The following CTPS2 variants were observed in gnomAD, a reference collection of about 807,000 sequenced individuals.
CTPS2 encodes CTP synthase 2.
Under a neutral mutation model 46.8 loss-of-function variants are expected in CTPS2, and 19 were observed. The observed-to-expected ratio is 0.41, with a 90% CI of 0.28 to 0.60. The LOEUF is 0.60. Ranked by LOEUF, CTPS2 falls within the 20% of genes least tolerant of loss-of-function variation. The pLI, the probability that CTPS2 is intolerant of heterozygous loss-of-function variation, is 0.35. For missense variants in CTPS2, 286 were observed against 447.6 expected (o/e 0.64, Z 3.26); for synonymous variants, 151 against 165.2 (o/e 0.91, Z 0.66).
intron 4 of CTPS2, among the ~76,000 whole-genome samples, chrX:16,697,458 T>A (rs959678062): frequency 0.025 from 1,162 of 45,764 alleles, 18 homozygotes; most frequent in African/African-American, 0.095. Flanking sequence ...TTTTTTTTTT[T>A]AAATTAAGAC....
intron 17 of CTPS2, among the ~76,000 whole-genome samples, chrX:16,601,005 C>T (rs1175675335): frequency 3.6e-5 from 4 of 111,172 alleles, no homozygotes; most frequent in African/African-American, 1.3e-4. Flanking sequence ...AAGCAGCAGA[C>T]GCAGAAGTAA....
chrX:16,598,311 C>T (rs1929411843), intron 17 of CTPS2, among the ~76,000 whole-genome samples: 1 of 110,084 alleles, frequency 9.1e-6, no homozygotes, highest in South Asian at 3.8e-4. Context: ...AGACCACTAG[C>T]AAGATTAATA....
At chrX:16,645,434 A>ACTC (rs1275831815) in intron 13 of CTPS2, among the ~76,000 whole-genome samples, 1 of 110,682 alleles carries the variant, frequency 9.0e-6, no homozygotes, top group African/African-American at 3.3e-5. Flanking sequence ...AGCAGACGGG[A>ACTC]AGGGAGGGGT....
chrX:16,599,778 C>G (rs1457163720), intron 17 of CTPS2, among the ~76,000 whole-genome samples: 2 of 106,373 alleles, frequency 1.9e-5, no homozygotes, highest in East Asian at 6.0e-4. Flanking sequence ...ACCCGGCACC[C>G]CCCCCCTTTT....
At chrX:16,608,226 AAATT>A (rs1289024240) in intron 17 of CTPS2, among the ~76,000 whole-genome samples, 5 of 110,526 alleles carry the variant, frequency 4.5e-5, no homozygotes, top group South Asian at 3.8e-4. Context: ...ATAAATAAAT[AAATT>A]AATTTAATTT....
At chrX:16,685,687 T>C (rs1227217756) in intron 8 of CTPS2, among the ~76,000 whole-genome samples, 3 of 102,289 alleles carry the variant, frequency 2.9e-5, no homozygotes, top group African/African-American at 7.2e-5. Flanking sequence ...TGAAACCCCA[T>C]CTCTACTAAA....
At chrX:16,616,048 T>TC (rs1930509618) in intron 16 of CTPS2, among the ~76,000 whole-genome samples, 1 of 112,047 alleles carries the variant, frequency 8.9e-6, no homozygotes, top group Non-Finnish European at 1.9e-5. Context: ...CATTCTCAGC[T>TC]CATAAGCTGG....
At chrX:16,647,690 C>T (rs776928802) in intron 13 of CTPS2, among the ~76,000 whole-genome samples, 2 of 111,424 alleles carry the variant, frequency 1.8e-5, no homozygotes, top group East Asian at 2.8e-4. Context: ...TACATACACA[C>T]GTCATATGTA....
At chrX:16,694,169 A>G (rs1473764428) in intron 4 of CTPS2, among the ~76,000 whole-genome samples, 1 of 111,535 alleles carries the variant, frequency 9.0e-6, no homozygotes, top group South Asian at 3.7e-4. Flanking sequence ...ATCTCAAAAC[A>G]AAAACAAAAA....
intron 17 of CTPS2, among the ~76,000 whole-genome samples, chrX:16,607,724 C>A (rs1032030604): frequency 1.2e-4 from 13 of 112,746 alleles, no homozygotes; most frequent in Non-Finnish European, 2.4e-4. Flanking sequence ...AGCAACACTG[C>A]GAGGGTTGTT....
At chrX:16,597,241 C>T (rs1469739321) in intron 17 of CTPS2, among the ~76,000 whole-genome samples, 15 of 111,741 alleles carry the variant, frequency 1.3e-4, no homozygotes, top group African/African-American at 3.9e-4. Flanking sequence ...CCATTGCTTT[C>T]GGTGTTTTAC....
At chrX:16,699,567 T>A (rs1416795166) in intron 2 of CTPS2, among the ~76,000 whole-genome samples, 2 of 112,576 alleles carry the variant, frequency 1.8e-5, no homozygotes, top group African/African-American at 6.5e-5. Context: ...AGCCTGTGTG[T>A]GCCATAAGCT....
intron 9 of CTPS2, among the ~76,000 whole-genome samples, chrX:16,682,207 A>G (rs1180349923): frequency 1.8e-5 from 2 of 112,683 alleles, no homozygotes; most frequent in African/African-American, 6.4e-5. Flanking sequence ...TACACAGGCC[A>G]GGCACAGTGG....
intron 1 of CTPS2, among the ~76,000 whole-genome samples, chrX:16,706,009 G>A (rs1924966654): frequency 9.2e-6 from 1 of 108,880 alleles, no homozygotes; most frequent in African/African-American, 3.3e-5. Flanking sequence ...GCTGAGGCAG[G>A]AGAATGGCTT....
At chrX:16,599,740 C>T (rs113017612) in intron 17 of CTPS2, among the ~76,000 whole-genome samples, 1,353 of 103,231 alleles carry the variant, frequency 0.013, 18 homozygotes, top group African/African-American at 0.045. Flanking sequence ...CCTCCCAAAG[C>T]GCTGGAATAA....
intron 6 of CTPS2, 132 bp from the exon 7 acceptor site, chrX:16,691,752 T>C (rs1923720056): frequency 2.0e-6 from 1 of 497,783 alleles, no homozygotes; most frequent in African/African-American, 2.4e-5. Context: ...TATTAGAAAT[T>C]GGTCTGAGCA....
At chrX:16,629,014 G>A (rs1328989099) in intron 14 of CTPS2, among the ~76,000 whole-genome samples, 2 of 112,100 alleles carry the variant, frequency 1.8e-5, no homozygotes, top group African/African-American at 6.5e-5. Flanking sequence ...ATGAGGCGGC[G>A]CTCTTATCTC....
At chrX:16,643,482 T>C (rs757371853) in intron 13 of CTPS2, among the ~76,000 whole-genome samples, 59 of 111,364 alleles carry the variant, frequency 5.3e-4, no homozygotes, top group African/African-American at 1.9e-3. Context: ...GCTGGGATTA[T>C]AGGCATGAGC....
intron 9 of CTPS2, among the ~76,000 whole-genome samples, chrX:16,680,939 A>G (rs888857962): frequency 1.8e-5 from 2 of 111,647 alleles, no homozygotes; most frequent in African/African-American, 6.5e-5. Context: ...TAATCCCAAC[A>G]CTTTGGGAGG....
Sources: allele counts gnomAD v4.1 joint callset (sites outside exome capture counted in the v4.1 genomes callset), GRCh38; gene constraint gnomAD v4.1.1; transcripts MANE v1.5; gene names NCBI Gene and HGNC (gene_info 2026-07-23, HGNC 2026-07-21).